CASD1: variants seen among roughly 807,000 people sequenced by gnomAD.
The protein encoded by CASD1 is N-acetylneuraminate (7)9-O-acetyltransferase.
In CASD1, 41 loss-of-function variants were observed where a neutral mutation model predicts 100.0. That is an observed-to-expected ratio of 0.41 (90% CI 0.32 to 0.53). CASD1 has a LOEUF of 0.53. CASD1 is among the 20% of genes least tolerant of loss of function. The pLI, the probability that CASD1 is intolerant of heterozygous loss-of-function variation, is 0.25. For synonymous variants in CASD1, 321 were observed against 315.6 expected, an observed-to-expected ratio of 1.02 and a Z score of -0.18; for missense variants, 774 against 948.7, an observed-to-expected ratio of 0.82 and a Z score of 2.42.
the CASD1 span, among the ~76,000 whole-genome samples, chr7:94,562,886 C>T: frequency 6.6e-6 from 1 of 152,102 alleles, no homozygotes; most frequent in Non-Finnish European, 1.5e-5. Context: ...GATGTAGTCT[C>T]AGCTGACCCC....
At chr7:94,512,517 C>T (rs1209862230) in intron 1 of CASD1, among the ~76,000 whole-genome samples, 1 of 152,092 alleles carries the variant, frequency 6.6e-6, no homozygotes, top group Admixed American at 6.5e-5. Context: ...TACAAACTAC[C>T]GAAAGTAAAG....
chr7:94,608,735 A>G, the CASD1 span, among the ~76,000 whole-genome samples: 1 of 152,244 alleles, frequency 6.6e-6, no homozygotes, highest in Non-Finnish European at 1.5e-5. Context: ...AAATAGATCA[A>G]TGAAACAGAA....
the CASD1 span, among the ~76,000 whole-genome samples, chr7:94,571,204 T>G: frequency 1.3e-5 from 2 of 152,030 alleles, no homozygotes; most frequent in Non-Finnish European, 2.9e-5. Flanking sequence ...CCACCATGCC[T>G]GGCTAATTGT....
At chr7:94,517,194 G>T (rs147895445) in intron 1 of CASD1, among the ~76,000 whole-genome samples, 1 of 152,098 alleles carries the variant, frequency 6.6e-6, no homozygotes, top group Non-Finnish European at 1.5e-5. Flanking sequence ...GTGAGCCACC[G>T]TGCCTGGCCT....
At chr7:94,531,540 A>T (rs1231472041) in intron 5 of CASD1, among the ~76,000 whole-genome samples, 1 of 152,150 alleles carries the variant, frequency 6.6e-6, no homozygotes, top group African/African-American at 2.4e-5. Context: ...GGAATGAGAA[A>T]GCCACCTAGG....
the CASD1 span, among the ~76,000 whole-genome samples, chr7:94,576,690 T>C: frequency 6.6e-6 from 1 of 152,196 alleles, no homozygotes; most frequent in Admixed American, 6.5e-5. Context: ...TTCACATGTG[T>C]AGTCACACAT....
intron 5 of CASD1, among the ~76,000 whole-genome samples, chr7:94,532,565 T>G (rs1223697400): frequency 6.6e-6 from 1 of 152,174 alleles, no homozygotes; most frequent in Non-Finnish European, 1.5e-5. Flanking sequence ...ACTTAGGAAT[T>G]ATTTATTTCT....
chr7:94,588,484 C>G, the CASD1 span: 10 of 1,392,242 alleles, frequency 7.2e-6, no homozygotes, highest in African/African-American at 1.0e-4. Flanking sequence ...GCTCTAAGAT[C>G]ATTTACCCTG....
the CASD1 span, among the ~76,000 whole-genome samples, chr7:94,565,360 C>T: frequency 6.6e-6 from 1 of 152,088 alleles, no homozygotes; most frequent in African/African-American, 2.4e-5. Context: ...TGCTCTGTAA[C>T]CCTAGTTATT....
intron 15 of CASD1, 168 bp from the exon 16 acceptor site, chr7:94,552,182 A>T: frequency 1.7e-6 from 1 of 586,774 alleles, no homozygotes; most frequent in Non-Finnish European, 2.9e-6. Context: ...AGTTGAACAT[A>T]CCAAAACAGG....
intron 3 of CASD1, among the ~76,000 whole-genome samples, chr7:94,525,835 A>G (rs1418131937): frequency 1.3e-5 from 2 of 152,220 alleles, no homozygotes; most frequent in Non-Finnish European, 2.9e-5. Context: ...ATTTTGTTTC[A>G]TGGAGATTAC....
At position 94,553,153 on chromosome 7, in the gene CASD1, G is replaced by A. The variant is rs140989577; in HGVS notation, c.2034+726G>A. ...TCACATTCATGATTTTCACCACTCT[G>A]TATATCACTTATACTATTAATTATT... On this transcript the variant is annotated intron_variant, in intron 16 of 17. Transcript: ENST00000297273. The A allele has an allele frequency of 1.3e-3, 649 of 481,122 alleles. 4 individuals carry two copies. Among genetic ancestry groups the A allele is most frequent in the African/African-American group, 0.012 (593 of 50,150 alleles). 29.8% of individuals were successfully genotyped at this position (481,122 alleles called of 1,614,324 possible). A position where few individuals can be genotyped will look rare whatever the true frequency, so the allele number is the denominator to read the frequency against.
chr7:94,628,394 G>GT, the CASD1 span: 4 of 1,545,618 alleles, frequency 2.6e-6, no homozygotes, highest in Non-Finnish European at 3.6e-6. Flanking sequence ...ACATAAGACA[G>GT]TTATTTTCAC....
At chr7:94,629,883 A>G in the CASD1 span, 3 of 1,604,980 alleles carry the variant, frequency 1.9e-6, no homozygotes, top group African/African-American at 4.0e-5. Context: ...AAGACAAATA[A>G]TGAGATACGC....
At chr7:94,548,288 C>G (rs1263024497) in intron 13 of CASD1, among the ~76,000 whole-genome samples, 1 of 151,660 alleles carries the variant, frequency 6.6e-6, no homozygotes, top group Non-Finnish European at 1.5e-5. Context: ...GTTTATTGAT[C>G]ACATAATAAG....
the CASD1 span, among the ~76,000 whole-genome samples, chr7:94,572,480 A>T: frequency 2.6e-5 from 4 of 152,228 alleles, no homozygotes; most frequent in Non-Finnish European, 5.9e-5. Context: ...TCTAATGATC[A>T]GTGATATTGA....
chr7:94,536,501 C>G (rs1453668731), intron 8 of CASD1, among the ~76,000 whole-genome samples: 3 of 152,074 alleles, frequency 2.0e-5, no homozygotes, highest in African/African-American at 4.8e-5. Context: ...TGGTTTTGTT[C>G]TTCTCCTGCA....
chr7:94,613,298 A>G, the CASD1 span, among the ~76,000 whole-genome samples: 23 of 152,352 alleles, frequency 1.5e-4, no homozygotes, highest in Admixed American at 5.2e-4. Flanking sequence ...ACTATGCTAC[A>G]CATGCTAAAA....
the CASD1 span, among the ~76,000 whole-genome samples, chr7:94,605,444 C>T: frequency 6.7e-6 from 1 of 150,168 alleles, no homozygotes; most frequent in South Asian, 2.1e-4. Context: ...ATCTATTCAC[C>T]ATATATCCAT....
Sources: gnomAD v4.1 joint callset for allele counts (sites outside exome capture counted in the v4.1 genomes callset) on GRCh38, gnomAD v4.1.1 for gene constraint, MANE v1.5 for transcripts, NCBI Gene and HGNC (gene_info 2026-07-23, HGNC 2026-07-21) for gene names.